The following ITPK1 variants were observed in gnomAD, a reference collection of about 807,000 sequenced individuals.
The protein encoded by ITPK1 is inositol 1,3,4-trisphosphate 5/6-kinase.
A neutral mutation model predicts 45.3 loss-of-function variants in ITPK1; 21 were observed. That is an observed-to-expected ratio of 0.46 (90% CI 0.33 to 0.67). ITPK1 has a LOEUF of 0.67. Ranked by LOEUF, ITPK1 falls within the 30% of genes least tolerant of loss-of-function variation. The pLI, the probability that ITPK1 is intolerant of heterozygous loss-of-function variation, is 0.02. For synonymous variants in ITPK1, 258 were observed against 253.6 expected, an observed-to-expected ratio of 1.02 and a Z score of -0.16; for missense variants, 474 against 573.5, an observed-to-expected ratio of 0.83 and a Z score of 1.77.
chr14:92,995,249 T>A (rs1231301239), intron 4 of ITPK1, among the ~76,000 whole-genome samples: 1 of 152,154 alleles, frequency 6.6e-6, no homozygotes, highest in Non-Finnish European at 1.5e-5. Context: ...CCAGCGTGAT[T>A]CCTCCGCCCA....
chr14:92,971,441 G>A (rs777080513), intron 5 of ITPK1, among the ~76,000 whole-genome samples: 5 of 152,248 alleles, frequency 3.3e-5, no homozygotes, highest in Non-Finnish European at 7.3e-5. Flanking sequence ...CCAGCATCCA[G>A]CAGATGCTGA....
chr14:93,093,511 A>C (rs1192407028), intron 2 of ITPK1, among the ~76,000 whole-genome samples: 5 of 151,900 alleles, frequency 3.3e-5, no homozygotes, highest in African/African-American at 9.7e-5. Context: ...TTCCCCCCTC[A>C]GCCCTGCGCT....
Position 93,032,435 on chromosome 14 carries a change from C to T in ITPK1, c.121-15634G>A, listed in dbSNP as rs1194142811. ...GAAGTTCAGTACTCAAAATCATTTG[C>T]AAAGACTCGGTTGCGTCAAGCTAAG... On this transcript the variant is annotated intron_variant, in intron 3 of 10. Coordinates refer to ENST00000267615, the MANE Select transcript of ITPK1 (RefSeq NM_014216.6). This position sits in a 1 kb window ranked among gnomAD's most constrained non-coding sequence, Gnocchi z 4.0. Among the ~76,000 whole-genome samples, 14 of 152,190 alleles carry T rather than the reference C, an allele frequency of 9.2e-5. No individual in the cohort carries two copies. The highest frequency in any genetic ancestry group is 1.2e-4 in the Non-Finnish European group (8 of 68,034).
chr14:93,082,393 A>G (rs1740698), intron 2 of ITPK1, among the ~76,000 whole-genome samples: 119,485 of 152,116 alleles, frequency 0.79, 47,821 homozygotes, highest in African/African-American at 0.95. Flanking sequence ...GGGCGTAGGC[A>G]GGAGCGGAAG....
Position 93,014,549 on chromosome 14 carries a change from A to G in ITPK1, c.246+2127T>C, listed in dbSNP as rs151061606. 2.0e-5 allele frequency among the ~76,000 whole-genome samples: 3 copies of G among 152,294 alleles called. No homozygotes were observed. The highest frequency in any genetic ancestry group is 4.4e-5 in the Non-Finnish European group (3 of 68,010). On this transcript the variant is annotated intron_variant, in intron 4 of 10. Transcript: ENST00000267615. The surrounding 1 kb of genome is among the most constrained non-coding windows in gnomAD (Gnocchi z 4.4). ...ATTTACTCCTCCCAGCAACCTGCCC[A>G]CCCAAGGAGGAAGGAACTGAGGCTG...
chr14:93,077,566 C>T (rs545589340), intron 2 of ITPK1, among the ~76,000 whole-genome samples: 1 of 152,286 alleles, frequency 6.6e-6, no homozygotes, highest in Non-Finnish European at 1.5e-5. Flanking sequence ...GATCCGCCTG[C>T]CTCAGCCTCC....
intron 2 of ITPK1, among the ~76,000 whole-genome samples, chr14:93,099,662 G>A (rs1444791269): frequency 6.6e-6 from 1 of 152,202 alleles, no homozygotes; most frequent in Non-Finnish European, 1.5e-5. Context: ...GCACAAGGTG[G>A]GGTCCAGGAA....
chr14:93,115,228 G>C lies in ITPK1; in HGVS notation c.-65C>G. 8.4e-7 allele frequency: 1 copy of C among 1,195,058 alleles called. No individual in the cohort carries two copies. Among genetic ancestry groups the C allele is most frequent in the Non-Finnish European group, 1.2e-6 (1 of 832,582 alleles). 74.0% of individuals were successfully genotyped at this position (1,195,058 alleles called of 1,614,324 possible). A position where few individuals can be genotyped will look rare whatever the true frequency, so the allele number is the denominator to read the frequency against. On this transcript the variant is annotated 5_prime_UTR_variant, in exon 2 of 11. Coordinates refer to ENST00000267615, the MANE Select transcript of ITPK1 (RefSeq NM_014216.6). The stretch of plus-strand genomic sequence containing the variant: ...GCCCACAGGCCGAGTCTGGCGGCCG[G>C]CGCGCGCCGCGAGCGAGTGGGCACC...
At chr14:92,943,474 G>A (rs756180084) in intron 10 of ITPK1, among the ~76,000 whole-genome samples, 2 of 152,210 alleles carry the variant, frequency 1.3e-5, no homozygotes, top group Admixed American at 6.5e-5. Context: ...GGTGTCCGTC[G>A]GCCCTGGGCT....
Sources: allele counts gnomAD v4.1 joint callset (sites outside exome capture counted in the v4.1 genomes callset), GRCh38; gene constraint gnomAD v4.1.1; non-coding constraint Gnocchi (gnomAD v3.1); transcripts MANE v1.5; gene names NCBI Gene and HGNC (gene_info 2026-07-23, HGNC 2026-07-21).